Variants in STXBP5 observed in about 807,000 individuals in gnomAD.
STXBP5 encodes the protein syntaxin-binding protein 5.
Under a neutral mutation model 152.4 loss-of-function variants are expected in STXBP5, and 50 were observed. The ratio of observed to expected loss-of-function variants is 0.33; its 90% CI spans 0.26 to 0.42. The LOEUF is 0.42. Among genes scored for constraint, STXBP5 ranks in the 10% least tolerant of loss-of-function variants. The pLI, the probability that STXBP5 is intolerant of heterozygous loss-of-function variation, is 1.00. For missense variants in STXBP5, 1,167 were observed against 1,388.6 expected (o/e 0.84, Z 2.54); for synonymous variants, 492 against 494.7 (o/e 0.99, Z 0.07).
At chr6:147,257,360 AAAAT>A (rs1779421333) in intron 4 of STXBP5, among the ~76,000 whole-genome samples, 1 of 151,898 alleles carries the variant, frequency 6.6e-6, no homozygotes, top group African/African-American at 2.4e-5. Flanking sequence ...TTATAATATT[AAAAT>A]AAATAACCTT....
intron 4 of STXBP5, among the ~76,000 whole-genome samples, chr6:147,245,211 G>T (rs181788998): frequency 6.6e-6 from 1 of 151,740 alleles, no homozygotes; most frequent in Admixed American, 6.6e-5. Flanking sequence ...TTGGGTACTG[G>T]GGGGTTAGGA....
intron 16 of STXBP5, among the ~76,000 whole-genome samples, chr6:147,317,174 T>A (rs1496035): frequency 0.054 from 8,172 of 152,176 alleles, 600 homozygotes; most frequent in East Asian, 0.27. Flanking sequence ...GGGTAGTAAG[T>A]AAGAGAAATA....
chr6:147,349,595 G>A lies in STXBP5; in HGVS notation c.2255-3728G>A, dbSNP rs189468029. ...CGCTGGTTTTGTCTCCACATCCCAT[G>A]GTCTTAGATAAGTGTTCCAGACTGA... On this transcript the variant is annotated intron_variant, in intron 21 of 27. Transcript: ENST00000321680. Among the ~76,000 whole-genome samples, 197 of 152,242 alleles carry A rather than the reference G, an allele frequency of 1.3e-3. 1 individual carries two copies. The highest frequency in any genetic ancestry group is 4.7e-3 in the African/African-American group (195 of 41,538).
chr6:147,207,709 A>G (rs1437663199), intron 2 of STXBP5, among the ~76,000 whole-genome samples: 4 of 152,168 alleles, frequency 2.6e-5, no homozygotes, highest in Admixed American at 6.5e-5. Context: ...TCATAACTGG[A>G]CTAGAAGAAG....
At chr6:147,313,843 T>C in intron 11 of STXBP5, 41 bp from the exon 12 acceptor site, 1 of 1,325,642 alleles carries the variant, frequency 7.5e-7, no homozygotes, top group Non-Finnish European at 1.0e-6. Context: ...ATGGTATAAT[T>C]CATTAAATTA....
chr6:147,370,145 A>G (rs1785474388), intron 25 of STXBP5, among the ~76,000 whole-genome samples: 1 of 152,088 alleles, frequency 6.6e-6, no homozygotes. Flanking sequence ...AGGAGCCAAG[A>G]AAAAGAGTAC....
At chr6:147,343,601 T>C (rs1784187759) in intron 21 of STXBP5, among the ~76,000 whole-genome samples, 1 of 152,198 alleles carries the variant, frequency 6.6e-6, no homozygotes, top group Non-Finnish European at 1.5e-5. Flanking sequence ...TATAGCATGT[T>C]TCACACTTCA....
chr6:147,265,192 A>T (rs1779833094), intron 6 of STXBP5, among the ~76,000 whole-genome samples: 1 of 152,126 alleles, frequency 6.6e-6, no homozygotes, highest in African/African-American at 2.4e-5. Context: ...CAGATTGCCT[A>T]GGAAAGAAGA....
rs77312301 is a variant in STXBP5, at chr6:147,331,041, A to G, written c.2081-3116A>G. Among the ~76,000 whole-genome samples the G allele has an allele frequency of 7.2e-3, 1,100 of 152,344 alleles. 14 individuals carry two copies. The highest frequency in any genetic ancestry group is 0.025 in the African/African-American group (1,055 of 41,584). Reference sequence around the variant, plus strand: ...CAGAAAACATTTGCCAGCCCTCTCAATTAAACCATGGTACTGGATTAATGT... The same window carrying G: ...CAGAAAACATTTGCCAGCCCTCTCAGTTAAACCATGGTACTGGATTAATGT... On this transcript the variant is annotated intron_variant, in intron 18 of 27. Transcript: ENST00000321680.
At chr6:147,246,336 T>A (rs1266241393) in intron 4 of STXBP5, among the ~76,000 whole-genome samples, 1 of 152,250 alleles carries the variant, frequency 6.6e-6, no homozygotes, top group African/African-American at 2.4e-5. Context: ...CATAAGTTTA[T>A]AACTAATGAT....
At chr6:147,327,036 A>G (rs1251757040) in intron 17 of STXBP5, 89 bp from the exon 18 acceptor site, 15 of 1,229,940 alleles carry the variant, frequency 1.2e-5, no homozygotes, top group Middle Eastern at 2.5e-4. Flanking sequence ...AAGACCCACC[A>G]TGCTTCTTTC....
At chr6:147,297,003 T>A (rs1781559398) in intron 9 of STXBP5, among the ~76,000 whole-genome samples, 2 of 152,024 alleles carry the variant, frequency 1.3e-5, no homozygotes, top group Admixed American at 6.6e-5. Context: ...TCACATAATA[T>A]TTATAGAGGG....
intron 8 of STXBP5, among the ~76,000 whole-genome samples, chr6:147,289,329 C>T (rs536114651): frequency 6.6e-6 from 1 of 152,260 alleles, no homozygotes; most frequent in South Asian, 2.1e-4. Context: ...ATTTAGTCTA[C>T]TGGGTGAACT....
At chr6:147,341,047 T>C (rs1229102689) in intron 21 of STXBP5, among the ~76,000 whole-genome samples, 1 of 152,196 alleles carries the variant, frequency 6.6e-6, no homozygotes, top group Non-Finnish European at 1.5e-5. Flanking sequence ...AGCATTGTTA[T>C]ATCCTTTGGC....
chr6:147,245,837 A>G (rs1266704062), intron 4 of STXBP5, among the ~76,000 whole-genome samples: 1 of 152,196 alleles, frequency 6.6e-6, no homozygotes, highest in Non-Finnish European at 1.5e-5. Context: ...AATGCAAAGG[A>G]TAGCTGCCGA....
intron 7 of STXBP5, among the ~76,000 whole-genome samples, chr6:147,275,118 C>G (rs553446351): frequency 6.6e-6 from 1 of 152,224 alleles, no homozygotes; most frequent in Non-Finnish European, 1.5e-5. Context: ...GCAGAAGGAT[C>G]ATAGGTACTA....
At chr6:147,374,527 A>G (rs1785717230) in intron 26 of STXBP5, among the ~76,000 whole-genome samples, 1 of 152,238 alleles carries the variant, frequency 6.6e-6, no homozygotes, top group African/African-American at 2.4e-5. Context: ...AAAAATGAAG[A>G]CTGTTCAAGT....
chr6:147,226,495 C>T (rs1318128798), intron 2 of STXBP5, among the ~76,000 whole-genome samples: 1 of 152,100 alleles, frequency 6.6e-6, no homozygotes, highest in Non-Finnish European at 1.5e-5. Context: ...ATAGCATAGG[C>T]TGTCAAACAT....
At chr6:147,309,956 A>G (rs1233072699) in intron 9 of STXBP5, 128 bp from the exon 10 acceptor site, 3 of 612,410 alleles carry the variant, frequency 4.9e-6, no homozygotes, top group Non-Finnish European at 7.4e-6. Flanking sequence ...GAGACAATTC[A>G]ATTATATGAT....
Sources: gnomAD v4.1 joint callset for allele counts (sites outside exome capture counted in the v4.1 genomes callset) on GRCh38, gnomAD v4.1.1 for gene constraint, MANE v1.5 for transcripts, NCBI Gene and HGNC (gene_info 2026-07-23, HGNC 2026-07-21) for gene names.